EXT1: variants seen among roughly 807,000 people sequenced by gnomAD.
EXT1 encodes exostosin-1.
A neutral mutation model predicts 82.5 loss-of-function variants in EXT1; 20 were observed. The ratio of observed to expected loss-of-function variants is 0.24; its 90% CI spans 0.17 to 0.35. The LOEUF (loss-of-function observed/expected upper bound fraction) is 0.35, where lower values mean the gene tolerates loss of function less well. EXT1 is among the 10% of genes least tolerant of loss of function. The pLI, the probability that EXT1 is intolerant of heterozygous loss-of-function variation, is 1.00. For synonymous variants in EXT1, 348 were observed against 350.8 expected (o/e 0.99, Z 0.09); for missense variants, 757 against 936.5 (o/e 0.81, Z 2.50).
chr8:118,051,930 G>A (rs1349871465), intron 1 of EXT1, among the ~76,000 whole-genome samples: 2 of 152,174 alleles, frequency 1.3e-5, no homozygotes, highest in African/African-American at 4.8e-5. Context: ...GCCTTTGAAA[G>A]GGGGTTACCA....
At chr8:117,807,162 C>T (rs1823249938) in intron 9 of EXT1, 55 bp downstream of exon 9, 2 of 1,605,798 alleles carry the variant, frequency 1.2e-6, no homozygotes, top group Non-Finnish European at 1.7e-6. Context: ...ATTTATGCAG[C>T]AGCCAATATA....
chr8:118,109,439 A>G (rs2130039350), intron 1 of EXT1, among the ~76,000 whole-genome samples: 1 of 113,552 alleles, frequency 8.8e-6, no homozygotes, highest in Middle Eastern at 5.2e-3. Flanking sequence ...GAATGAATGA[A>G]TGAATGCATG....
At chr8:117,877,928 C>A (rs1812998839) in intron 1 of EXT1, among the ~76,000 whole-genome samples, 1 of 152,192 alleles carries the variant, frequency 6.6e-6, no homozygotes, top group Admixed American at 6.5e-5. Flanking sequence ...TTATAATAAA[C>A]TGAGGCTATG....
chr8:117,849,172 G>C (rs572356824), intron 1 of EXT1, among the ~76,000 whole-genome samples: 10 of 152,298 alleles, frequency 6.6e-5, no homozygotes, highest in African/African-American at 2.4e-4. Context: ...CCTTCTCAGA[G>C]AGGCCAGCAC....
At chr8:118,000,862 G>A (rs1344628058) in intron 1 of EXT1, among the ~76,000 whole-genome samples, 1 of 152,086 alleles carries the variant, frequency 6.6e-6, no homozygotes, top group Non-Finnish European at 1.5e-5. Context: ...CAAAGAAAGT[G>A]ATGTGATCCC....
chr8:117,885,572 C>T (rs767804095), intron 1 of EXT1, among the ~76,000 whole-genome samples: 1 of 151,094 alleles, frequency 6.6e-6, no homozygotes, highest in Non-Finnish European at 1.5e-5. Flanking sequence ...CATGTCAGTG[C>T]CTCCTACAGG....
At chr8:117,830,575 T>A (rs1211818014) in intron 3 of EXT1, among the ~76,000 whole-genome samples, 1 of 152,222 alleles carries the variant, frequency 6.6e-6, no homozygotes, top group African/African-American at 2.4e-5. Context: ...GTATGAAAGT[T>A]ACAGTTCACC....
intron 1 of EXT1, among the ~76,000 whole-genome samples, chr8:118,064,247 G>T (rs1816936463): frequency 6.6e-6 from 1 of 151,932 alleles, no homozygotes; most frequent in African/African-American, 2.4e-5. Context: ...TGTTACATAG[G>T]TATACACATG....
chr8:117,923,482 C>T (rs1034334058), intron 1 of EXT1, among the ~76,000 whole-genome samples: 1 of 151,718 alleles, frequency 6.6e-6, no homozygotes, highest in Non-Finnish European at 1.5e-5. Context: ...ATTTGGGAGG[C>T]CAAGGCGGGC....
chr8:118,074,185 T>A (rs1183208192), intron 1 of EXT1, among the ~76,000 whole-genome samples: 1 of 152,038 alleles, frequency 6.6e-6, no homozygotes. Flanking sequence ...TGGGAGATGA[T>A]CTAAGCAACC....
chr8:117,866,670 T>C (rs1812778622), intron 1 of EXT1, among the ~76,000 whole-genome samples: 1 of 152,104 alleles, frequency 6.6e-6, no homozygotes, highest in Non-Finnish European at 1.5e-5. Flanking sequence ...TAGTGCATGA[T>C]TAGCCATTCT....
At chr8:118,060,842 T>C (rs1246964173) in intron 1 of EXT1, among the ~76,000 whole-genome samples, 1 of 152,240 alleles carries the variant, frequency 6.6e-6, no homozygotes, top group African/African-American at 2.4e-5. Flanking sequence ...ACAAGTATTA[T>C]TCTTCACCAA....
chr8:117,896,189 T>C (rs562760745), intron 1 of EXT1, among the ~76,000 whole-genome samples: 51 of 152,312 alleles, frequency 3.3e-4, no homozygotes, highest in African/African-American at 1.1e-3. Context: ...TGGATGTGTG[T>C]GCATGTGTGC....
In EXT1 at chr8:117,945,921, G is replaced by A. The variant is rs530050780; in HGVS notation, c.963-108720C>T. 3.3e-5 allele frequency among the ~76,000 whole-genome samples: 5 copies of A among 152,236 alleles called. No individual in the cohort carries two copies. In the East Asian group the frequency reaches 9.7e-4, roughly 29 times the overall value. On this transcript the variant is annotated intron_variant, in intron 1 of 10. Transcript: ENST00000378204. Reference sequence around the variant, plus strand: ...TTTGTTTTTGTTTTGTTTTGTTTGAGATGCGAGTTTTGCTCCTTTTGCCCA... The same window carrying A: ...TTTGTTTTTGTTTTGTTTTGTTTGAAATGCGAGTTTTGCTCCTTTTGCCCA...
chr8:117,964,122 A>G (rs1814757730), intron 1 of EXT1, among the ~76,000 whole-genome samples: 1 of 152,200 alleles, frequency 6.6e-6, no homozygotes, highest in African/African-American at 2.4e-5. Flanking sequence ...TTGTTTACTT[A>G]TACACTTTAC....
intron 1 of EXT1, among the ~76,000 whole-genome samples, chr8:117,994,624 C>T (rs1815500368): frequency 6.6e-6 from 1 of 152,056 alleles, no homozygotes; most frequent in Non-Finnish European, 1.5e-5. Context: ...AAGAAAAGGA[C>T]TCTAGATCAG....
At chr8:117,830,146 A>T (rs1017728386) in intron 4 of EXT1, 84 bp downstream of exon 4, 1 of 1,583,584 alleles carries the variant, frequency 6.3e-7, no homozygotes, top group African/African-American at 1.3e-5. Flanking sequence ...GACCAATCAC[A>T]CATCCCTAAT....
chr8:118,092,279 C>T (rs987664838), intron 1 of EXT1, among the ~76,000 whole-genome samples: 1 of 152,074 alleles, frequency 6.6e-6, no homozygotes, highest in African/African-American at 2.4e-5. Context: ...CCAGAATATA[C>T]CATATCTTAC....
intron 1 of EXT1, among the ~76,000 whole-genome samples, chr8:117,858,948 T>C (rs1270042426): frequency 6.6e-6 from 1 of 152,112 alleles, no homozygotes; most frequent in African/African-American, 2.4e-5. Flanking sequence ...CAACCACCAC[T>C]TGATCAGCCA....
Sources: allele counts gnomAD v4.1 joint callset (sites outside exome capture counted in the v4.1 genomes callset), GRCh38; gene constraint gnomAD v4.1.1; transcripts MANE v1.5; gene names NCBI Gene and HGNC (gene_info 2026-07-23, HGNC 2026-07-21).